The following SLC35F4 variants were observed in gnomAD, a reference collection of about 807,000 sequenced individuals.
The protein encoded by SLC35F4 is solute carrier family 35 member F4, also known as chromosome 14 open reading frame 36.
Under a neutral mutation model 44.2 loss-of-function variants are expected in SLC35F4, and 24 were observed. The observed-to-expected ratio is 0.54, with a 90% CI of 0.39 to 0.76. The LOEUF is 0.76. Among genes scored for constraint, SLC35F4 ranks in the 30% least tolerant of loss-of-function variants. The pLI is 0.00. For missense variants in SLC35F4, 562 were observed against 586.1 expected, an observed-to-expected ratio of 0.96 and a Z score of 0.42; for synonymous variants, 238 against 223.6, an observed-to-expected ratio of 1.06 and a Z score of -0.57.
chr14:57,638,405 T>G (rs1438052609), intron 1 of SLC35F4, among the ~76,000 whole-genome samples: 2 of 152,122 alleles, frequency 1.3e-5, no homozygotes, highest in African/African-American at 4.8e-5. Context: ...GTGTGTAACA[T>G]GTATGTTTGT....
At position 57,569,774 on chromosome 14, in the gene SLC35F4, C is replaced by A; in HGVS notation, c.1126+14G>T. 1.3e-6 allele frequency: 2 copies of A among 1,571,358 alleles called. No individual in the cohort carries two copies. Among genetic ancestry groups the A allele is most frequent in the East Asian group, 2.3e-5 (1 of 43,576 alleles). ...TGATATAGGGAATGGAAGGCAAAAC[C>A]CGAGGCCACTTACCCAGCCACAGCC... On this transcript the variant is annotated intron_variant, in intron 6 of 7. Transcript: ENST00000556826.
intron 6 of SLC35F4, among the ~76,000 whole-genome samples, chr14:57,567,499 G>A (rs761372085): frequency 4.3e-4 from 65 of 152,236 alleles, no homozygotes; most frequent in African/African-American, 5.8e-4. Context: ...TGTAATTCCC[G>A]CTTTAAGCCC....
intron 4 of SLC35F4, among the ~76,000 whole-genome samples, 164 bp from the exon 5 acceptor site, chr14:57,572,183 T>A (rs140610006): frequency 6.6e-6 from 1 of 152,188 alleles, no homozygotes; most frequent in Non-Finnish European, 1.5e-5. Flanking sequence ...TAAATCAATA[T>A]GTTCATGAGA....
intron 1 of SLC35F4, among the ~76,000 whole-genome samples, chr14:57,817,940 C>T (rs981112941): frequency 6.6e-6 from 1 of 152,110 alleles, no homozygotes; most frequent in African/African-American, 2.4e-5. Flanking sequence ...AGGATAGTCA[C>T]TTCATTAAAG....
At chr14:57,943,937 C>T (rs1268980835) in intron 1 of SLC35F4, among the ~76,000 whole-genome samples, 1 of 152,138 alleles carries the variant, frequency 6.6e-6, no homozygotes, top group Admixed American at 6.6e-5. Flanking sequence ...TTTGTTTCTG[C>T]TTTTCTGGAC....
intron 1 of SLC35F4, among the ~76,000 whole-genome samples, chr14:57,745,775 A>ATG (rs2076737542): frequency 6.6e-6 from 1 of 152,322 alleles, no homozygotes; most frequent in East Asian, 1.9e-4. Context: ...CTATAAAGAC[A>ATG]CACGCACCCA....
At chr14:57,783,043 A>G (rs1950991) in intron 1 of SLC35F4, among the ~76,000 whole-genome samples, 18,365 of 152,150 alleles carry the variant, frequency 0.12, 2,465 homozygotes, top group African/African-American at 0.33. Context: ...TGCTGCAGCT[A>G]TACCAGCAGC....
At chr14:57,808,409 T>C (rs1881594301) in intron 1 of SLC35F4, among the ~76,000 whole-genome samples, 2 of 151,716 alleles carry the variant, frequency 1.3e-5, no homozygotes, top group Non-Finnish European at 2.9e-5. Context: ...ATTATAAAAA[T>C]GAAAATAAAA....
chr14:57,679,462 G>C (rs779033201), intron 1 of SLC35F4, among the ~76,000 whole-genome samples: 1 of 152,004 alleles, frequency 6.6e-6, no homozygotes, highest in African/African-American at 2.4e-5. Context: ...ACAATTAAAA[G>C]AACTAGAGAA....
At position 57,633,967 on chromosome 14, in the gene SLC35F4, A is replaced by G. The variant is rs535748437; in HGVS notation, c.104-39843T>C. Among the ~76,000 whole-genome samples the G allele has an allele frequency of 5.9e-5, 9 of 152,244 alleles. No homozygotes were observed. In the South Asian group the frequency reaches 1.9e-3, roughly 32 times the overall value. On this transcript the variant is annotated intron_variant, in intron 1 of 7. Coordinates refer to ENST00000556826, the MANE Select transcript of SLC35F4 (RefSeq NM_001306087.2). ...GAGCCCACATATGAGAATGAGAAAG[A>G]TGGAGCCAGAAAAGGGGATGTAGGA...
At position 57,735,173 on chromosome 14, in the gene SLC35F4, CT is replaced by C. The variant is rs566188292; in HGVS notation, c.103+130549del. ...AGGGTATTCGTGACTTAGTTGCAGA[CT>C]TTTTTTTCTTCTTGAATATTGTGTT... On this transcript the variant is annotated intron_variant, in intron 1 of 7. Transcript: ENST00000556826. Among the ~76,000 whole-genome samples, 138 of 152,164 alleles carry C rather than the reference CT, an allele frequency of 9.1e-4. 1 individual carries two copies. Among genetic ancestry groups the C allele is most frequent in the Non-Finnish European group, 1.8e-3 (120 of 67,992 alleles).
intron 1 of SLC35F4, among the ~76,000 whole-genome samples, chr14:57,802,487 A>T (rs1212746124): frequency 7.1e-6 from 1 of 139,932 alleles, no homozygotes; most frequent in Non-Finnish European, 1.5e-5. Context: ...TCAAGGAGAT[A>T]GAGACACAAA....
At chr14:57,932,762 T>C (rs1372718101) in intron 1 of SLC35F4, among the ~76,000 whole-genome samples, 4 of 152,006 alleles carry the variant, frequency 2.6e-5, no homozygotes, top group Non-Finnish European at 5.9e-5. Flanking sequence ...GACAGGAAAA[T>C]TGCTTGAATC....
chr14:57,729,164 A>G (rs1004843480), intron 1 of SLC35F4, among the ~76,000 whole-genome samples: 1 of 152,152 alleles, frequency 6.6e-6, no homozygotes, highest in Non-Finnish European at 1.5e-5. Flanking sequence ...TTGGTGTTCT[A>G]TAACCCTCTT....
chr14:57,826,621 G>A (rs1883794972), intron 1 of SLC35F4, among the ~76,000 whole-genome samples: 1 of 151,406 alleles, frequency 6.6e-6, no homozygotes, highest in African/African-American at 2.4e-5. Flanking sequence ...TTTCACAAAG[G>A]TCTAATATCC....
At chr14:57,585,889 G>T (rs2069679643) in intron 3 of SLC35F4, among the ~76,000 whole-genome samples, 1 of 152,152 alleles carries the variant, frequency 6.6e-6, no homozygotes, top group Non-Finnish European at 1.5e-5. Context: ...TCGTCAAAAT[G>T]GCCATACTGC....
intron 1 of SLC35F4, among the ~76,000 whole-genome samples, chr14:57,738,627 A>C (rs2076524213): frequency 1.3e-5 from 2 of 151,846 alleles, no homozygotes; most frequent in Non-Finnish European, 2.9e-5. Flanking sequence ...CCTGCTTTTC[A>C]GCCAAATTAA....
intron 1 of SLC35F4, among the ~76,000 whole-genome samples, chr14:57,840,519 C>T (rs1885384617): frequency 6.6e-6 from 1 of 152,190 alleles, no homozygotes; most frequent in Non-Finnish European, 1.5e-5. Flanking sequence ...ACAAGCTATA[C>T]TTGTGGAAAC....
chr14:57,910,393 C>A (rs1486619720), intron 1 of SLC35F4, among the ~76,000 whole-genome samples: 1 of 151,924 alleles, frequency 6.6e-6, no homozygotes, highest in Non-Finnish European at 1.5e-5. Flanking sequence ...GTCACTTAGG[C>A]CTTATCCAAT....
Sources: allele counts gnomAD v4.1 joint callset (sites outside exome capture counted in the v4.1 genomes callset), GRCh38; gene constraint gnomAD v4.1.1; transcripts MANE v1.5; gene names NCBI Gene and HGNC (gene_info 2026-07-23, HGNC 2026-07-21).